SPATA12: variants seen among roughly 807,000 people sequenced by gnomAD.
SPATA12 encodes the protein spermatogenesis-associated protein 12.
For synonymous variants in SPATA12, 85 were observed against 89.2 expected (o/e 0.95, Z 0.26); for missense variants, 219 against 226.4 (o/e 0.97, Z 0.21).
intron 1 of SPATA12, among the ~76,000 whole-genome samples, chr3:57,070,110 A>G (rs1212141501): frequency 6.6e-6 from 1 of 152,228 alleles, no homozygotes; most frequent in African/African-American, 2.4e-5. Context: ...AACAAGATAA[A>G]ATGGAGCCTG....
rs927055471 is a variant in SPATA12, at chr3:57,074,351, C to T, written c.*84C>T. 8 of 1,257,858 alleles carry T rather than the reference C, an allele frequency of 6.4e-6. No homozygotes were observed. Among genetic ancestry groups the T allele is most frequent in the Non-Finnish European group, 9.0e-6 (8 of 884,794 alleles). The allele number at this position is 1,257,858 out of a possible 1,614,324, so 77.9% of individuals were successfully genotyped here. On this transcript the variant is annotated 3_prime_UTR_variant, in exon 2 of 2. Transcript: ENST00000334325. ...ATGCTATGCCCTCCCTTCCATCCCC[C>T]ACCCCCACCAGGGGTGACTCGTAGC...
At chr3:57,067,145 CAACCCAGAAAGAAT>C (rs1282133160) in intron 1 of SPATA12, among the ~76,000 whole-genome samples, 1 of 152,086 alleles carries the variant, frequency 6.6e-6, no homozygotes, top group Admixed American at 6.6e-5. Context: ...CAAAATATGG[CAACCCAGAAAGAAT>C]AACATTTGTC....
Position 57,073,543 on chromosome 3 carries a change from C to T in SPATA12, c.-152C>T, listed in dbSNP as rs766929833. On this transcript the variant is annotated 5_prime_UTR_variant, in exon 2 of 2. Coordinates refer to ENST00000334325, the MANE Select transcript of SPATA12 (RefSeq NM_181727.2). Reference sequence around the variant, plus strand: ...GGGGTTTGGCTCTGTTTGAGCACCCCGGGATGATTGGTGGTGGGGTGTGGC... The same window carrying T: ...GGGGTTTGGCTCTGTTTGAGCACCCTGGGATGATTGGTGGTGGGGTGTGGC... 21 of 1,334,622 alleles carry T rather than the reference C, an allele frequency of 1.6e-5. No individual in the cohort carries two copies. The highest frequency in any genetic ancestry group is 1.5e-4 in the East Asian group (6 of 39,556). The allele number at this position is 1,334,622 out of a possible 1,614,324, so 82.7% of individuals were successfully genotyped here.
At chr3:57,061,602 G>A (rs1245798578) in intron 1 of SPATA12, among the ~76,000 whole-genome samples, 1 of 152,184 alleles carries the variant, frequency 6.6e-6, no homozygotes, top group African/African-American at 2.4e-5. Context: ...GGGAACATGG[G>A]AATGCAAGTA....
chr3:57,069,758 C>A (rs1310548047), intron 1 of SPATA12, among the ~76,000 whole-genome samples: 1 of 152,178 alleles, frequency 6.6e-6, no homozygotes, highest in Non-Finnish European at 1.5e-5. Context: ...TATCCTCCCA[C>A]CTTAGCCTTC....
chr3:57,067,360 C>T lies in SPATA12; in HGVS notation c.-329-6006C>T, dbSNP rs534690780. Among the ~76,000 whole-genome samples, 9 of 151,468 alleles carry T rather than the reference C, an allele frequency of 5.9e-5. No homozygotes were observed. The South Asian group carries it at 6.3e-4, about 11-fold the overall frequency. On this transcript the variant is annotated intron_variant, in intron 1 of 1. Transcript: ENST00000334325. ...CTCCCAGTTACTCGGGAGGCTGAGG[C>T]GGGAGAATGGCGTGAACCCAGGAGG...
chr3:57,067,551 T>C (rs193205839), intron 1 of SPATA12, among the ~76,000 whole-genome samples: 6 of 150,634 alleles, frequency 4.0e-5, no homozygotes, highest in Non-Finnish European at 8.9e-5. Flanking sequence ...AATGCAACTT[T>C]AGGGTGGGTG....
intron 1 of SPATA12, among the ~76,000 whole-genome samples, chr3:57,070,585 T>C (rs1185449521): frequency 6.6e-6 from 1 of 152,058 alleles, no homozygotes; most frequent in Non-Finnish European, 1.5e-5. Flanking sequence ...CCTGTCAAAA[T>C]CTCAGGTCTC....
Position 57,074,219 on chromosome 3 carries a change from G to A in SPATA12, c.525G>A (p.Arg175=). 6.2e-7 allele frequency: 1 copy of A among 1,613,924 alleles called. No homozygotes were observed. The highest frequency in any genetic ancestry group is 8.5e-7 in the Non-Finnish European group (1 of 1,180,008). The change falls in exon 2 of 2, where the codon AGG becomes AGA. Residue 175 remains arginine, a synonymous_variant. Transcript: ENST00000334325. Reference sequence around the variant, plus strand: ...CATTTACTGAGGGCTGCTTTGTCAGGTCCCTCTCTACAGTATACTCCAACA... The same window carrying A: ...CATTTACTGAGGGCTGCTTTGTCAGATCCCTCTCTACAGTATACTCCAACA... ...QLTFTEGCFV[R]SLSTVYSNTH... is the part of the protein sequence containing the mutation.
intron 1 of SPATA12, among the ~76,000 whole-genome samples, chr3:57,070,971 CA>C (rs1231328722): frequency 0.07 from 3,457 of 49,628 alleles, 37 homozygotes; most frequent in Non-Finnish European, 0.11. Context: ...GACTCTGTCA[CA>C]AAAAAAAAAA....
chr3:57,061,121 C>T (rs1202013839), intron 1 of SPATA12, among the ~76,000 whole-genome samples: 2 of 152,080 alleles, frequency 1.3e-5, no homozygotes, highest in African/African-American at 4.8e-5. Context: ...ACCCATTCAG[C>T]GGTAACTCCT....
chr3:57,070,165 G>T lies in SPATA12; in HGVS notation c.-329-3201G>T, dbSNP rs1325624868. Among the ~76,000 whole-genome samples the T allele has an allele frequency of 2.0e-5, 3 of 152,112 alleles. No individual in the cohort carries two copies. In the East Asian group the frequency reaches 5.8e-4, roughly 29 times the overall value. Reference sequence around the variant, plus strand: ...CACCTGGTGCCTCCAGGGCTGTGGGGTCTCCCAGTTCCCACCACACTTCTC... The same window carrying T: ...CACCTGGTGCCTCCAGGGCTGTGGGTTCTCCCAGTTCCCACCACACTTCTC... On this transcript the variant is annotated intron_variant, in intron 1 of 1. Coordinates refer to ENST00000334325, the MANE Select transcript of SPATA12 (RefSeq NM_181727.2).
rs1378018217 is a variant in SPATA12 at position 57,063,290 on chromosome 3, AG to A, written c.-330+2505del. Among the ~76,000 whole-genome samples the A allele has an allele frequency of 2.0e-5, 3 of 152,192 alleles. No individual in the cohort carries two copies. In the East Asian group the frequency reaches 5.8e-4, roughly 29 times the overall value. On this transcript the variant is annotated intron_variant, in intron 1 of 1. Coordinates refer to ENST00000334325, the MANE Select transcript of SPATA12 (RefSeq NM_181727.2). ...CCAGATCACATGGGGCCTTGCAGCC[AG>A]CCACCCTAAAGGCTTTGGCTTTGTT...
chr3:57,068,982 C>T (rs1032603743), intron 1 of SPATA12, among the ~76,000 whole-genome samples: 8 of 149,282 alleles, frequency 5.4e-5, no homozygotes, highest in African/African-American at 9.9e-5. Flanking sequence ...AGTGCTATGA[C>T]GTGATCTTGG....
intron 1 of SPATA12, among the ~76,000 whole-genome samples, chr3:57,068,836 T>G (rs1705712234): frequency 6.6e-6 from 1 of 151,578 alleles, no homozygotes; most frequent in African/African-American, 2.4e-5. Context: ...CACACCCCCC[T>G]CACTAAAGGA....
chr3:57,064,040 G>A (rs1705383646), intron 1 of SPATA12, among the ~76,000 whole-genome samples: 1 of 152,232 alleles, frequency 6.6e-6, no homozygotes, highest in South Asian at 2.1e-4. Context: ...GCCCAGGGAG[G>A]GGGACTGCCT....
chr3:57,066,879 C>T (rs1300266503), intron 1 of SPATA12, among the ~76,000 whole-genome samples: 2 of 152,092 alleles, frequency 1.3e-5, no homozygotes, highest in South Asian at 4.1e-4. Flanking sequence ...CCTGGGTCTC[C>T]GGCCTGCCAG....
intron 1 of SPATA12, among the ~76,000 whole-genome samples, chr3:57,070,774 C>T (rs1416664123): frequency 6.6e-6 from 1 of 151,874 alleles, no homozygotes; most frequent in Admixed American, 6.6e-5. Flanking sequence ...GCCTGGGTAA[C>T]ACAGCCAGAC....
chr3:57,066,837 C>A (rs1191017771), intron 1 of SPATA12, among the ~76,000 whole-genome samples: 1 of 152,102 alleles, frequency 6.6e-6, no homozygotes, highest in Non-Finnish European at 1.5e-5. Context: ...AGAATTCTAC[C>A]CAGAGAGCCT....
Sources: allele counts gnomAD v4.1 joint callset (sites outside exome capture counted in the v4.1 genomes callset), GRCh38; gene constraint gnomAD v4.1.1; transcripts MANE v1.5; gene names NCBI Gene and HGNC (gene_info 2026-07-23, HGNC 2026-07-21).